ZNF469: variants seen among roughly 807,000 people sequenced by gnomAD.
The protein encoded by ZNF469 is zinc finger protein 469.
Under a neutral mutation model 1.0 loss-of-function variants are expected in ZNF469, and 1 was observed. The observed-to-expected ratio is 1.00, with a 90% CI of 0.35 to 4.73. ZNF469 has a LOEUF of 4.73. Among genes scored for constraint, ZNF469 ranks in the 30% most tolerant of loss-of-function variants. The probability of loss-of-function intolerance (pLI) is 0.16; values close to 1 mark genes in which losing one functional copy is unlikely to be tolerated. For synonymous variants in ZNF469, 2,703 were observed against 2,363.4 expected (o/e 1.14, Z -4.17); for missense variants, 6,100 against 5,356.3 (o/e 1.14, Z -4.33).
chr16:88,410,289 G>A (rs763101090), intron 1 of ZNF469, among the ~76,000 whole-genome samples: 24 of 151,262 alleles, frequency 1.6e-4, no homozygotes, highest in Non-Finnish European at 2.6e-4. Flanking sequence ...CTATGATACC[G>A]TTGATAGTGC....
chr16:88,319,961 C>T, the ZNF469 span, among the ~76,000 whole-genome samples: 228 of 152,330 alleles, frequency 1.5e-3, no homozygotes, highest in African/African-American at 5.0e-3. Context: ...GGTTTCCTCC[C>T]ATCTGGCATC....
At chr16:88,101,478 G>A in the ZNF469 span, among the ~76,000 whole-genome samples, 622 of 152,102 alleles carry the variant, frequency 4.1e-3, 4 homozygotes, top group African/African-American at 0.014. Flanking sequence ...CTCAGCGCCC[G>A]GGTTGGGATA....
the ZNF469 span, among the ~76,000 whole-genome samples, chr16:88,216,824 T>C: frequency 6.6e-6 from 1 of 152,184 alleles, no homozygotes; most frequent in Non-Finnish European, 1.5e-5. Flanking sequence ...CTATATTTTT[T>C]ATTATTTTTT....
the ZNF469 span, among the ~76,000 whole-genome samples, chr16:88,261,389 G>A: frequency 1.3e-5 from 2 of 152,308 alleles, no homozygotes; most frequent in East Asian, 3.9e-4. This position sits in a 1 kb window ranked among gnomAD's most constrained non-coding sequence, Gnocchi z 6.0. Context: ...AGGCTAAGGG[G>A]TAAGTACATG....
At chr16:88,187,128 G>A in the ZNF469 span, among the ~76,000 whole-genome samples, 1 of 152,100 alleles carries the variant, frequency 6.6e-6, no homozygotes, top group Non-Finnish European at 1.5e-5. Flanking sequence ...GACTAGCTGA[G>A]GTGTCTGTGG....
chr16:88,301,827 C>G, the ZNF469 span, among the ~76,000 whole-genome samples: 2 of 150,058 alleles, frequency 1.3e-5, no homozygotes, highest in African/African-American at 4.9e-5. Context: ...GCCCCCTCCT[C>G]AGATCTCCAC....
At chr16:88,366,744 A>AT in the ZNF469 span, among the ~76,000 whole-genome samples, 6 of 151,366 alleles carry the variant, frequency 4.0e-5, no homozygotes, top group African/African-American at 1.5e-4. Context: ...CATCATTATC[A>AT]TCATCACTAT....
At chr16:88,239,749 A>C in the ZNF469 span, among the ~76,000 whole-genome samples, 2 of 104,424 alleles carry the variant, frequency 1.9e-5, no homozygotes, top group East Asian at 2.7e-4. Flanking sequence ...TTTAGTAGAG[A>C]CAGGGTTTCA....
At chr16:88,185,057 G>A in the ZNF469 span, among the ~76,000 whole-genome samples, 9 of 146,310 alleles carry the variant, frequency 6.2e-5, no homozygotes, top group Admixed American at 2.8e-4. Context: ...AGACACCCAC[G>A]CACAGACACT....
At position 88,440,243 on chromosome 16, in the gene ZNF469, C is replaced by A. The variant is rs956441759; in HGVS notation, c.*911C>A. ...TGGGACAGACGGGGTCAGGGAGGCCCCACCATGGCTTGTCGAGGGCACGGG... is the reference window on the plus strand; with the variant it reads ...TGGGACAGACGGGGTCAGGGAGGCCACACCATGGCTTGTCGAGGGCACGGG... On this transcript the variant is annotated 3_prime_UTR_variant, in exon 3 of 3. Coordinates refer to ENST00000565624, the MANE Select transcript of ZNF469 (RefSeq NM_001367624.2). 6.6e-5 allele frequency: 10 copies of A among 150,936 alleles called. No homozygotes were observed. The highest frequency in any genetic ancestry group is 2.5e-4 in the African/African-American group (10 of 40,448). 9.3% of individuals were successfully genotyped at this position (150,936 alleles called of 1,614,324 possible).
At chr16:88,213,248 G>A in the ZNF469 span, among the ~76,000 whole-genome samples, 10 of 151,920 alleles carry the variant, frequency 6.6e-5, no homozygotes, top group East Asian at 7.7e-4. Flanking sequence ...ACAGGCGCCC[G>A]CCACCACGCC....
At chr16:88,256,922 C>CTT in the ZNF469 span, among the ~76,000 whole-genome samples, 1 of 6,544 alleles carries the variant, frequency 1.5e-4, no homozygotes, top group African/African-American at 3.2e-4. Context: ...TTCTTTCTTT[C>CTT]TTTCTTTCTT....
chr16:88,386,198 G>C (rs1040645241), intron 1 of ZNF469, among the ~76,000 whole-genome samples: 3 of 152,104 alleles, frequency 2.0e-5, no homozygotes, highest in African/African-American at 7.2e-5. Context: ...CCTGCAGGGT[G>C]GGGAGGAGAC....
the ZNF469 span, among the ~76,000 whole-genome samples, chr16:88,149,890 C>T: frequency 6.6e-6 from 1 of 152,242 alleles, no homozygotes; most frequent in Non-Finnish European, 1.5e-5. Context: ...TTCACATGCC[C>T]CTCCTCTCCA....
the ZNF469 span, among the ~76,000 whole-genome samples, chr16:88,240,690 G>A: frequency 1.3e-5 from 2 of 152,136 alleles, no homozygotes; most frequent in Non-Finnish European, 2.9e-5. Flanking sequence ...GAAATTAACC[G>A]CTCCAGGTGG....
At chr16:88,117,946 T>G in the ZNF469 span, among the ~76,000 whole-genome samples, 1 of 152,200 alleles carries the variant, frequency 6.6e-6, no homozygotes, top group Non-Finnish European at 1.5e-5. Flanking sequence ...TGTGATTTTA[T>G]TTCTTTGTTT....
At chr16:88,318,397 G>T in the ZNF469 span, among the ~76,000 whole-genome samples, 2 of 151,608 alleles carry the variant, frequency 1.3e-5, no homozygotes, top group Admixed American at 1.3e-4. Context: ...CATTCGGTAA[G>T]CGGGGAAGAG....
At chr16:88,212,763 T>C in the ZNF469 span, among the ~76,000 whole-genome samples, 1 of 152,122 alleles carries the variant, frequency 6.6e-6, no homozygotes. Context: ...GTAATTTTTT[T>C]TGTAGAGACA....
the ZNF469 span, among the ~76,000 whole-genome samples, chr16:88,152,566 C>A: frequency 6.6e-6 from 1 of 152,186 alleles, no homozygotes; most frequent in Non-Finnish European, 1.5e-5. The surrounding 1 kb of genome is among the most constrained non-coding windows in gnomAD (Gnocchi z 4.2). Flanking sequence ...CCCCCCTGTG[C>A]CAGCCCTGAC....
Sources: gnomAD v4.1 joint callset for allele counts (sites outside exome capture counted in the v4.1 genomes callset) on GRCh38, gnomAD v4.1.1 for gene constraint, Gnocchi (gnomAD v3.1) non-coding constraint, MANE v1.5 for transcripts, NCBI Gene and HGNC (gene_info 2026-07-23, HGNC 2026-07-21) for gene names.